Variants in CLSTN2 observed in about 807,000 individuals in gnomAD.
CLSTN2 encodes the protein calsyntenin 2.
In CLSTN2, 48 loss-of-function variants were observed where a neutral mutation model predicts 101.2. That is an observed-to-expected ratio of 0.47 (90% confidence interval 0.38 to 0.60). The LOEUF (loss-of-function observed/expected upper bound fraction) is 0.60, where lower values mean the gene tolerates loss of function less well. CLSTN2 is among the 20% of genes least tolerant of loss of function. CLSTN2 has a pLI of 0.00. For synonymous variants in CLSTN2, 481 were observed against 463.6 expected, an observed-to-expected ratio of 1.04 and a Z score of -0.48; for missense variants, 1,160 against 1,238.2, an observed-to-expected ratio of 0.94 and a Z score of 0.95.
intron 1 of CLSTN2, among the ~76,000 whole-genome samples, chr3:140,022,767 G>A (rs1380442444): frequency 1.3e-5 from 2 of 152,196 alleles, no homozygotes; most frequent in African/African-American, 2.4e-5. Flanking sequence ...GGTGTGACTT[G>A]TAGAATCTTA....
intron 8 of CLSTN2, among the ~76,000 whole-genome samples, chr3:140,517,178 G>A (rs1180326199): frequency 6.6e-6 from 1 of 152,032 alleles, no homozygotes; most frequent in Non-Finnish European, 1.5e-5. Context: ...TCCAAAAGTT[G>A]TGATTGTTTT....
chr3:140,370,769 A>G (rs899622), intron 2 of CLSTN2, among the ~76,000 whole-genome samples: 72,778 of 152,024 alleles, frequency 0.48, 18,146 homozygotes, highest in East Asian at 0.89. Context: ...CTGGGAGCTG[A>G]ATAGCTTTTT....
At chr3:140,474,986 C>A (rs72987133) in intron 8 of CLSTN2, among the ~76,000 whole-genome samples, 5,056 of 129,086 alleles carry the variant, frequency 0.039, 388 homozygotes, top group African/African-American at 0.12. Flanking sequence ...ACCTTAACAC[C>A]CTCTTGGATT....
intron 1 of CLSTN2, among the ~76,000 whole-genome samples, chr3:140,103,531 T>C (rs949781805): frequency 6.6e-6 from 1 of 152,206 alleles, no homozygotes; most frequent in African/African-American, 2.4e-5. Flanking sequence ...TCAGCAGCAT[T>C]GATAAGTGAG....
chr3:140,048,713 G>C (rs965806402), intron 1 of CLSTN2, among the ~76,000 whole-genome samples: 2 of 152,106 alleles, frequency 1.3e-5, no homozygotes, highest in Non-Finnish European at 2.9e-5. Context: ...GGGGAGTGGG[G>C]GGCAGTGGGC....
At position 140,432,956 on chromosome 3, in the gene CLSTN2, T is replaced by A. The variant is rs544600751; in HGVS notation, c.787+11682T>A. 3.9e-5 allele frequency among the ~76,000 whole-genome samples: 6 copies of A among 152,324 alleles called. No homozygotes were observed. The East Asian group carries it at 7.7e-4, about 20-fold the overall frequency. On this transcript the variant is annotated intron_variant, in intron 5 of 16. Coordinates refer to ENST00000458420, the MANE Select transcript of CLSTN2 (RefSeq NM_022131.3). ...TTATTCTTCACTGAACCCTGAAAACTGTTATTTTCCCATTTTACAGATGAG... is the reference window on the plus strand; with the variant it reads ...TTATTCTTCACTGAACCCTGAAAACAGTTATTTTCCCATTTTACAGATGAG...
chr3:140,451,504 T>C (rs1933251217), intron 6 of CLSTN2, among the ~76,000 whole-genome samples: 1 of 152,106 alleles, frequency 6.6e-6, no homozygotes, highest in African/African-American at 2.4e-5. Context: ...GGTAATCCTG[T>C]CCCAATAACC....
rs1043356261 is a variant in CLSTN2 at position 140,279,358 on chromosome 3, A to G, written c.232+103285A>G. On this transcript the variant is annotated intron_variant, in intron 2 of 16. Coordinates refer to ENST00000458420, the MANE Select transcript of CLSTN2 (RefSeq NM_022131.3). ...ATGCTGGGTGACCAAGGATCCTTCT[A>G]GGGATGTGGTTCAGGCCCACAAGTT... 4.6e-5 allele frequency among the ~76,000 whole-genome samples: 7 copies of G among 152,312 alleles called. No homozygotes were observed. The East Asian group carries it at 1.4e-3, about 29-fold the overall frequency.
At chr3:140,024,433 T>C (rs561725495) in intron 1 of CLSTN2, among the ~76,000 whole-genome samples, 2 of 152,278 alleles carry the variant, frequency 1.3e-5, no homozygotes, top group African/African-American at 4.8e-5. Context: ...ATGGCTGTTT[T>C]TTTGTTTTTG....
chr3:140,343,238 A>G (rs1011426891), intron 2 of CLSTN2, among the ~76,000 whole-genome samples: 2 of 152,150 alleles, frequency 1.3e-5, no homozygotes, highest in Admixed American at 6.5e-5. Flanking sequence ...AGTGAAACGA[A>G]AACTACCCCC....
At chr3:140,183,503 C>A (rs545934409) in intron 2 of CLSTN2, among the ~76,000 whole-genome samples, 2 of 152,146 alleles carry the variant, frequency 1.3e-5, no homozygotes, top group Non-Finnish European at 2.9e-5. Context: ...GAGTTAATGA[C>A]AATACTCTAC....
At chr3:140,397,243 GAT>G (rs2088192818) in intron 2 of CLSTN2, among the ~76,000 whole-genome samples, 1 of 152,068 alleles carries the variant, frequency 6.6e-6, no homozygotes, top group South Asian at 2.1e-4. Context: ...AACCTGTTGT[GAT>G]ATGTTATTTA....
chr3:139,976,940 A>G (rs903068305), intron 1 of CLSTN2, among the ~76,000 whole-genome samples: 54 of 152,258 alleles, frequency 3.5e-4, no homozygotes, highest in African/African-American at 6.7e-4. Context: ...GAGACCTCCA[A>G]TAATGAAGCA....
At chr3:140,428,742 T>G (rs1265941117) in intron 5 of CLSTN2, among the ~76,000 whole-genome samples, 1 of 152,226 alleles carries the variant, frequency 6.6e-6, no homozygotes, top group Non-Finnish European at 1.5e-5. Flanking sequence ...GAAAGAGAGA[T>G]GCAGCCACAT....
At position 140,422,601 on chromosome 3, in the gene CLSTN2, A is replaced by G. The variant is rs565515616; in HGVS notation, c.787+1327A>G. 6.6e-5 allele frequency among the ~76,000 whole-genome samples: 10 copies of G among 152,324 alleles called. No individual in the cohort carries two copies. The East Asian group carries it at 1.7e-3, about 26-fold the overall frequency. On this transcript the variant is annotated intron_variant, in intron 5 of 16. Transcript: ENST00000458420. ...GTAGAAAAGATGAAATGCTCAGTAAAGGAACCACAGGTAAGGCACATGAGA... is the reference window on the plus strand; with the variant it reads ...GTAGAAAAGATGAAATGCTCAGTAAGGGAACCACAGGTAAGGCACATGAGA...
chr3:140,220,265 C>A lies in CLSTN2; in HGVS notation c.232+44192C>A, dbSNP rs149168227. 7.0e-3 allele frequency among the ~76,000 whole-genome samples: 1,066 copies of A among 152,316 alleles called. 10 individuals are homozygous for A. The highest frequency in any genetic ancestry group is 0.025 in the African/African-American group (1,039 of 41,564). Reference sequence around the variant, plus strand: ...CTCCTGGTGGAGATCATCCACCTTCCAATGCCATGGCATAATGATCTCAAT... The same window carrying A: ...CTCCTGGTGGAGATCATCCACCTTCAAATGCCATGGCATAATGATCTCAAT... On this transcript the variant is annotated intron_variant, in intron 2 of 16. Coordinates refer to ENST00000458420, the MANE Select transcript of CLSTN2 (RefSeq NM_022131.3).
chr3:140,365,920 T>C (rs11707077), intron 2 of CLSTN2, among the ~76,000 whole-genome samples: 57,402 of 152,062 alleles, frequency 0.38, 12,457 homozygotes, highest in Non-Finnish European at 0.5. Context: ...CCAAGGAGCT[T>C]GTATTCTTCC....
At chr3:140,172,353 T>G (rs1254840104) in intron 1 of CLSTN2, among the ~76,000 whole-genome samples, 1 of 152,070 alleles carries the variant, frequency 6.6e-6, no homozygotes, top group Admixed American at 6.6e-5. Context: ...AGATTTCCAA[T>G]GGAGAGACCA....
At chr3:140,293,996 G>T (rs889776399) in intron 2 of CLSTN2, among the ~76,000 whole-genome samples, 128 of 152,188 alleles carry the variant, frequency 8.4e-4, no homozygotes, top group African/African-American at 3.0e-3. Context: ...TTTACTCTGT[G>T]CCCCATGGAA....
Sources: allele counts gnomAD v4.1 joint callset (sites outside exome capture counted in the v4.1 genomes callset), GRCh38; gene constraint gnomAD v4.1.1; transcripts MANE v1.5; gene names NCBI Gene and HGNC (gene_info 2026-07-23, HGNC 2026-07-21).